The following RAP1GAP2 variants were observed in gnomAD, a reference collection of about 807,000 sequenced individuals.
RAP1GAP2 encodes rap1 GTPase-activating protein 2.
A neutral mutation model predicts 95.0 loss-of-function variants in RAP1GAP2; 27 were observed. The observed-to-expected ratio is 0.28, with a 90% CI of 0.21 to 0.39. RAP1GAP2 has a LOEUF of 0.39. Ranked by LOEUF, RAP1GAP2 falls within the 10% of genes least tolerant of loss-of-function variation. The pLI is 1.00. For synonymous variants in RAP1GAP2, 373 were observed against 380.9 expected, an observed-to-expected ratio of 0.98 and a Z score of 0.24; for missense variants, 771 against 970.0, an observed-to-expected ratio of 0.79 and a Z score of 2.72.
At chr17:2,899,236 ACT>A (rs1364614942) in intron 2 of RAP1GAP2, among the ~76,000 whole-genome samples, 1 of 151,832 alleles carries the variant, frequency 6.6e-6, no homozygotes, top group African/African-American at 2.4e-5. Flanking sequence ...ACGGAGTCTC[ACT>A]CTGTCACCCA....
intron 1 of RAP1GAP2, among the ~76,000 whole-genome samples, chr17:2,789,674 C>T (rs561369385): frequency 7.1e-6 from 1 of 141,408 alleles, no homozygotes; most frequent in Admixed American, 7.4e-5. Flanking sequence ...CCTAGCTACT[C>T]TGGAGGCTGA....
intron 2 of RAP1GAP2, among the ~76,000 whole-genome samples, chr17:2,865,535 T>C (rs2072582987): frequency 6.6e-6 from 1 of 152,224 alleles, no homozygotes; most frequent in African/African-American, 2.4e-5. Context: ...GGGTTACCTG[T>C]GCCATCTGTA....
At chr17:2,921,824 G>T (rs938534950) in intron 3 of RAP1GAP2, among the ~76,000 whole-genome samples, 7 of 152,140 alleles carry the variant, frequency 4.6e-5, no homozygotes, top group Non-Finnish European at 1.5e-5. Flanking sequence ...CTCTTCCAGC[G>T]CCTGGTGGCT....
At chr17:2,807,259 C>A (rs1038909715) in intron 2 of RAP1GAP2, among the ~76,000 whole-genome samples, 11 of 152,154 alleles carry the variant, frequency 7.2e-5, no homozygotes, top group African/African-American at 2.4e-4. Context: ...CCAATTCATT[C>A]CCCCACCTTT....
Position 2,904,991 on chromosome 17 carries a change from C to T in RAP1GAP2, c.81-293C>T, listed in dbSNP as rs1209560947. 6.6e-6 allele frequency among the ~76,000 whole-genome samples: 1 copy of T among 152,146 alleles called. No individual in the cohort carries two copies. Among genetic ancestry groups the T allele is most frequent in the Non-Finnish European group, 1.5e-5 (1 of 68,016 alleles). On this transcript the variant is annotated intron_variant, in intron 2 of 24. Coordinates refer to ENST00000254695, the MANE Select transcript of RAP1GAP2 (RefSeq NM_015085.5). This position sits in a 1 kb window ranked among gnomAD's most constrained non-coding sequence, Gnocchi z 4.7. ...CCACCTCCCAGGTTCAAGTGATTCTCCTGCCTCAGTCTCTCTAGTAGCTGG... is the reference window on the plus strand; with the variant it reads ...CCACCTCCCAGGTTCAAGTGATTCTTCTGCCTCAGTCTCTCTAGTAGCTGG...
At chr17:2,958,429 T>C (rs976704132) in intron 4 of RAP1GAP2, among the ~76,000 whole-genome samples, 18 of 152,160 alleles carry the variant, frequency 1.2e-4, no homozygotes, top group African/African-American at 4.3e-4. Context: ...CTGGGGAGTA[T>C]GTGCAGAGGC....
At chr17:3,016,800 C>T (rs1277762561) in intron 17 of RAP1GAP2, among the ~76,000 whole-genome samples, 1 of 152,218 alleles carries the variant, frequency 6.6e-6, no homozygotes, top group Admixed American at 6.5e-5. Flanking sequence ...CTCTTTCACT[C>T]TAAGTCTCAG....
rs143647293 is a variant in RAP1GAP2, at chr17:2,914,343, T to C, written c.165+8975T>C. 1.2e-3 allele frequency among the ~76,000 whole-genome samples: 178 copies of C among 152,368 alleles called. 1 individual carries two copies. The highest frequency in any genetic ancestry group is 2.5e-3 in the African/African-American group (106 of 41,590). ...GAACGGTATCTCATTGTGGTTTTAATCCACATTTTCTCATGACTAATGATG... is the reference window on the plus strand; with the variant it reads ...GAACGGTATCTCATTGTGGTTTTAACCCACATTTTCTCATGACTAATGATG... On this transcript the variant is annotated intron_variant, in intron 3 of 24. Coordinates refer to ENST00000254695, the MANE Select transcript of RAP1GAP2 (RefSeq NM_015085.5).
chr17:2,936,196 T>C (rs2043305401), intron 3 of RAP1GAP2, among the ~76,000 whole-genome samples: 1 of 150,994 alleles, frequency 6.6e-6, no homozygotes, highest in Admixed American at 6.6e-5. Context: ...CATGTTGGTG[T>C]GCTGCACCCA....
rs546086995 is a variant in RAP1GAP2 at position 2,875,580 on chromosome 17, G to A, written c.81-29704G>A. Among the ~76,000 whole-genome samples the A allele has an allele frequency of 1.2e-4, 19 of 152,244 alleles. No homozygotes were observed. The South Asian group carries it at 1.9e-3, about 15-fold the overall frequency. ...GAAGTGATTACTTAGCTCATGGAGC[G>A]GGTGAGAGGGACCGCTGTTGCTTTT... On this transcript the variant is annotated intron_variant, in intron 2 of 24. Transcript: ENST00000254695.
At position 2,825,036 on chromosome 17, in the gene RAP1GAP2, AT is replaced by A. The variant is rs2070487979; in HGVS notation, c.80+24487del. ...TGTGGCTCACTGCAGCCTTGAACTCATGGCACAAGCAATCTTCCTGCGTAGC... is the reference window on the plus strand; with the variant it reads ...TGTGGCTCACTGCAGCCTTGAACTCAGGCACAAGCAATCTTCCTGCGTAGC... On this transcript the variant is annotated intron_variant, in intron 2 of 24. Coordinates refer to ENST00000254695, the MANE Select transcript of RAP1GAP2 (RefSeq NM_015085.5). This position sits in a 1 kb window ranked among gnomAD's most constrained non-coding sequence, Gnocchi z 4.1. 6.6e-6 allele frequency among the ~76,000 whole-genome samples: 1 copy of A among 152,122 alleles called. No individual in the cohort carries two copies. The highest frequency in any genetic ancestry group is 1.5e-5 in the Non-Finnish European group (1 of 68,040).
At chr17:2,872,392 G>A (rs958451917) in intron 2 of RAP1GAP2, among the ~76,000 whole-genome samples, 5 of 151,950 alleles carry the variant, frequency 3.3e-5, no homozygotes, top group African/African-American at 4.8e-5. Flanking sequence ...GGGACAAGGG[G>A]AAGCTTTTAG....
chr17:2,906,229 G>A lies in RAP1GAP2; in HGVS notation c.165+861G>A, dbSNP rs375517075. Among the ~76,000 whole-genome samples, 3 of 152,278 alleles carry A rather than the reference G, an allele frequency of 2.0e-5. No homozygotes were observed. Among genetic ancestry groups the A allele is most frequent in the East Asian group, 3.9e-4 (2 of 5,174 alleles). On this transcript the variant is annotated intron_variant, in intron 3 of 24. Transcript: ENST00000254695. This position sits in a 1 kb window ranked among gnomAD's most constrained non-coding sequence, Gnocchi z 4.3. ...CTGTCCTGGGGCTGTGCTCTGAGTGGCTCACAGGGAGATCATCAGGCATCT... is the reference window on the plus strand; with the variant it reads ...CTGTCCTGGGGCTGTGCTCTGAGTGACTCACAGGGAGATCATCAGGCATCT...
At chr17:2,908,700 ATTC>A (rs1235873178) in intron 3 of RAP1GAP2, among the ~76,000 whole-genome samples, 5 of 152,078 alleles carry the variant, frequency 3.3e-5, no homozygotes, top group South Asian at 4.2e-4. Context: ...TTAGGATTCA[ATTC>A]TTCTTCTTTT....
chr17:2,964,198 T>G, intron 7 of RAP1GAP2, 130 bp downstream of exon 7: 1 of 612,656 alleles, frequency 1.6e-6, no homozygotes, highest in South Asian at 2.4e-5. Context: ...GGAGAGGAGC[T>G]GCCAGGGGTG....
At chr17:2,932,178 C>T (rs1005396016) in intron 3 of RAP1GAP2, among the ~76,000 whole-genome samples, 18 of 152,134 alleles carry the variant, frequency 1.2e-4, no homozygotes, top group Non-Finnish European at 2.4e-4. Context: ...TGCTGCTTCC[C>T]AGCAGTGCTG....
At chr17:2,983,336 A>C (rs2045440723) in intron 10 of RAP1GAP2, among the ~76,000 whole-genome samples, 1 of 152,070 alleles carries the variant, frequency 6.6e-6, no homozygotes. Context: ...TCTGAGATTG[A>C]ACCTTTCACA....
chr17:2,895,869 C>T (rs573642969), intron 2 of RAP1GAP2, among the ~76,000 whole-genome samples: 16 of 152,236 alleles, frequency 1.1e-4, no homozygotes, highest in African/African-American at 2.4e-4. Flanking sequence ...TGAGCCACCG[C>T]GCCCGGCCTG....
rs2042048356 is a variant in RAP1GAP2 at position 2,902,256 on chromosome 17, A to C, written c.81-3028A>C. Among the ~76,000 whole-genome samples, 1 of 148,278 alleles carries C rather than the reference A, an allele frequency of 6.7e-6. No homozygotes were observed. Among genetic ancestry groups the C allele is most frequent in the African/African-American group, 2.5e-5 (1 of 40,024 alleles). Reference sequence around the variant, plus strand: ...TTTTGAGATGGAGTCTTGCTCTGTCACCCGAGCTGGAGTGCAGTGGCACGA... The same window carrying C: ...TTTTGAGATGGAGTCTTGCTCTGTCCCCCGAGCTGGAGTGCAGTGGCACGA... On this transcript the variant is annotated intron_variant, in intron 2 of 24. Coordinates refer to ENST00000254695, the MANE Select transcript of RAP1GAP2 (RefSeq NM_015085.5). The surrounding 1 kb of genome is among the most constrained non-coding windows in gnomAD (Gnocchi z 4.1).
Sources: gnomAD v4.1 joint callset for allele counts (sites outside exome capture counted in the v4.1 genomes callset) on GRCh38, gnomAD v4.1.1 for gene constraint, Gnocchi (gnomAD v3.1) non-coding constraint, MANE v1.5 for transcripts, NCBI Gene and HGNC (gene_info 2026-07-23, HGNC 2026-07-21) for gene names.